RAI14: variants seen among roughly 807,000 people sequenced by gnomAD.
RAI14 encodes the protein retinoic acid induced 14.
A neutral mutation model predicts 115.4 loss-of-function variants in RAI14; 45 were observed. The observed-to-expected ratio is 0.39, with a 90% CI of 0.31 to 0.50. The LOEUF is 0.50. Among genes scored for constraint, RAI14 ranks in the 20% least tolerant of loss-of-function variants. RAI14 has a pLI of 0.85. For missense variants in RAI14, 939 were observed against 1,131.2 expected (o/e 0.83, Z 2.44); for synonymous variants, 371 against 415.4 (o/e 0.89, Z 1.30).
At chr5:34,688,549 C>T (rs888949441) in intron 2 of RAI14, among the ~76,000 whole-genome samples, 4 of 152,082 alleles carry the variant, frequency 2.6e-5, no homozygotes, top group African/African-American at 9.7e-5. Context: ...AAAAAATCCA[C>T]TGTAATAACA....
At chr5:34,757,296 C>A (rs762127843) in intron 2 of RAI14, 172 bp from the exon 3 acceptor site, 1 of 745,054 alleles carries the variant, frequency 1.3e-6, no homozygotes, top group Non-Finnish European at 2.4e-6. Flanking sequence ...GGAAAGCGGC[C>A]TTCTTGGGTG....
intron 1 of RAI14, among the ~76,000 whole-genome samples, chr5:34,668,450 G>A (rs1457546090): frequency 6.6e-6 from 1 of 150,942 alleles, no homozygotes; most frequent in South Asian, 2.1e-4. Context: ...TATTTAACAT[G>A]TTAGGAGGCC....
chr5:34,790,304 C>T (rs1448199556), intron 3 of RAI14, among the ~76,000 whole-genome samples: 1 of 152,188 alleles, frequency 6.6e-6, no homozygotes, highest in African/African-American at 2.4e-5. Context: ...AGATTGAATA[C>T]ATAAGTGCTT....
chr5:34,779,580 C>T (rs1368962428), intron 3 of RAI14, among the ~76,000 whole-genome samples: 1 of 152,092 alleles, frequency 6.6e-6, no homozygotes, highest in East Asian at 1.9e-4. Context: ...ATACCAATAA[C>T]AGACAGAGAG....
chr5:34,657,084 G>A (rs1463116938), intron 1 of RAI14: 2 of 152,304 alleles, frequency 1.3e-5, no homozygotes, highest in Non-Finnish European at 2.9e-5. Context: ...ACCCCTCTGG[G>A]CCTGCCCCTG....
intron 2 of RAI14, among the ~76,000 whole-genome samples, chr5:34,701,452 A>T (rs940467824): frequency 2.6e-5 from 4 of 152,196 alleles, no homozygotes; most frequent in Non-Finnish European, 5.9e-5. Context: ...CTCTAAGGAC[A>T]GCCACTGTAA....
At chr5:34,826,128 A>G in intron 15 of RAI14, 1 of 403,402 alleles carries the variant, frequency 2.5e-6, no homozygotes, top group South Asian at 6.2e-5. Context: ...TAATGGATGT[A>G]GCGGGCTTTG....
chr5:34,799,055 AC>A (rs1233956272), intron 4 of RAI14, among the ~76,000 whole-genome samples: 1 of 152,218 alleles, frequency 6.6e-6, no homozygotes, highest in East Asian at 1.9e-4. Flanking sequence ...GAACACGGGA[AC>A]AAAAGAAGAA....
rs564010434 is a variant in RAI14 at position 34,760,237 on chromosome 5, C to T, written c.167+2639C>T. ...CTAATTTTTGTATTTTTAGTAGAGA[C>T]GGGGTTTCACCATGTTGGCCAGGAT... On this transcript the variant is annotated intron_variant, in intron 3 of 17. Transcript: ENST00000265109. Among the ~76,000 whole-genome samples, 10 of 152,168 alleles carry T rather than the reference C, an allele frequency of 6.6e-5. No individual in the cohort carries two copies. The East Asian group carries it at 1.7e-3, about 26-fold the overall frequency.
At chr5:34,717,918 A>G (rs1742189245) in intron 2 of RAI14, among the ~76,000 whole-genome samples, 1 of 92,788 alleles carries the variant, frequency 1.1e-5, no homozygotes, top group African/African-American at 5.1e-5. Context: ...TGTCACCACC[A>G]CATCCTTCCA....
rs772878532 is a variant in RAI14, at chr5:34,823,059, C to G, written c.1217C>G (p.Pro406Arg). ...PSLGKPGETS[P>R]PDSKSSPSVL... The stretch of plus-strand genomic sequence containing the variant: ...CTGGGAAAACCTGGTGAAACCTCTC[C>G]CCCAGACTCCAAATCATCTCCATCT... Residue 406 changes from proline to arginine, a missense_variant, in exon 15 of 18, where the codon CCC becomes CGC. Physicochemically the swap from Pro to Arg is moderately radical, Grantham distance 103. Transcript: ENST00000265109. The surrounding 1 kb of genome is among the most constrained non-coding windows in gnomAD (Gnocchi z 4.5). 5 of 1,612,904 alleles carry G rather than the reference C, an allele frequency of 3.1e-6. No individual in the cohort carries two copies. In the East Asian group the frequency reaches 1.1e-4, roughly 36 times the overall value.
chr5:34,829,181 A>ACC (rs1238087385), intron 16 of RAI14, among the ~76,000 whole-genome samples: 1 of 151,394 alleles, frequency 6.6e-6, no homozygotes, highest in African/African-American at 2.4e-5. Context: ...ACACACATAC[A>ACC]CACACACATA....
chr5:34,811,198 T>A, intron 8 of RAI14, 80 bp downstream of exon 8: 1 of 1,460,052 alleles, frequency 6.8e-7, no homozygotes, highest in Non-Finnish European at 9.5e-7. Flanking sequence ...CACAGCTATA[T>A]TTTGGATCAT....
intron 2 of RAI14, among the ~76,000 whole-genome samples, chr5:34,744,568 A>G (rs1190731244): frequency 6.6e-6 from 1 of 152,158 alleles, no homozygotes; most frequent in Admixed American, 6.5e-5. Flanking sequence ...TGTGATGGGC[A>G]TATGCGGGAG....
intron 17 of RAI14, 100 bp downstream of exon 17, chr5:34,829,897 T>A: frequency 2.0e-6 from 2 of 996,570 alleles, no homozygotes; most frequent in East Asian, 2.6e-5. Context: ...GAACAAGAAT[T>A]AGAGGAGAAT....
At chr5:34,659,058 C>G (rs1742497875) in intron 1 of RAI14, 1 of 151,958 alleles carries the variant, frequency 6.6e-6, no homozygotes, top group Non-Finnish European at 1.5e-5. Flanking sequence ...ACACTGTATC[C>G]ACAAAAAAAT....
intron 2 of RAI14, among the ~76,000 whole-genome samples, chr5:34,720,413 T>G (rs1396194950): frequency 7.1e-6 from 1 of 140,288 alleles, no homozygotes; most frequent in African/African-American, 2.7e-5. Context: ...TTTTTTTTTT[T>G]TTTTTTTTTT....
chr5:34,690,599 C>T (rs552348228), intron 2 of RAI14, among the ~76,000 whole-genome samples: 2 of 152,190 alleles, frequency 1.3e-5, no homozygotes, highest in Non-Finnish European at 2.9e-5. Context: ...GTGTCGTTTC[C>T]GGAAGACTTG....
chr5:34,704,960 CTTTA>C (rs1395942011), intron 2 of RAI14, among the ~76,000 whole-genome samples: 2 of 152,054 alleles, frequency 1.3e-5, no homozygotes, highest in Non-Finnish European at 2.9e-5. Flanking sequence ...CTGAATTTTT[CTTTA>C]TTTCTTTCTT....
Sources: gnomAD v4.1 joint callset for allele counts (sites outside exome capture counted in the v4.1 genomes callset) on GRCh38, gnomAD v4.1.1 for gene constraint, Gnocchi (gnomAD v3.1) non-coding constraint, MANE v1.5 for transcripts, NCBI Gene and HGNC (gene_info 2026-07-23, HGNC 2026-07-21) for gene names.